The following ADD2 variants were observed in gnomAD, a reference collection of about 807,000 sequenced individuals.
ADD2 encodes adducin 2.
Under a neutral mutation model 83.0 loss-of-function variants are expected in ADD2, and 23 were observed. That is an observed-to-expected ratio of 0.28 (90% CI 0.20 to 0.39). The LOEUF is 0.39. Ranked by LOEUF, ADD2 falls within the 10% of genes least tolerant of loss-of-function variation. The probability of loss-of-function intolerance (pLI) is 1.00; values close to 1 mark genes in which losing one functional copy is unlikely to be tolerated. For missense variants in ADD2, 758 were observed against 944.9 expected (o/e 0.80, Z 2.59); for synonymous variants, 375 against 375.4 (o/e 1.00, Z 0.01).
At chr2:70,695,936 C>T (rs563021418) in intron 5 of ADD2, 135 bp from the exon 6 acceptor site, 7 of 759,196 alleles carry the variant, frequency 9.2e-6, no homozygotes, top group Admixed American at 2.6e-5. Flanking sequence ...CTCTCCCCCC[C>T]AGCCATAAGA....
intron 15 of ADD2, among the ~76,000 whole-genome samples, chr2:70,672,651 C>G (rs1669945445): frequency 6.6e-6 from 1 of 152,212 alleles, no homozygotes; most frequent in Non-Finnish European, 1.5e-5. Flanking sequence ...GGGGGCCAGC[C>G]AGTAACTTAT....
intron 1 of ADD2, among the ~76,000 whole-genome samples, chr2:70,729,493 A>C: frequency 6.6e-6 from 1 of 151,720 alleles, no homozygotes; most frequent in Admixed American, 6.6e-5. Context: ...CCTCTTCCCC[A>C]CCCCTTCATT....
intron 1 of ADD2, among the ~76,000 whole-genome samples, chr2:70,764,004 C>T (rs1675252736): frequency 6.6e-6 from 1 of 151,532 alleles, no homozygotes; most frequent in African/African-American, 2.4e-5. Context: ...TCTCCTGCCT[C>T]AGCCTCCCGA....
In ADD2 at chr2:70,768,067, G is replaced by A; in HGVS notation, c.-335C>T. 1.6e-6 allele frequency: 2 copies of A among 1,279,030 alleles called. No individual in the cohort carries two copies. Among genetic ancestry groups the A allele is most frequent in the Non-Finnish European group, 2.1e-6 (2 of 951,480 alleles). 79.2% of individuals were successfully genotyped at this position (1,279,030 alleles called of 1,614,324 possible). ...CTGGGAGATCCCCCAGCAGTGCAGC[G>A]GCTCCGCGGCGGCGGGGATGACTGG... is the stretch of plus-strand genomic sequence containing the variant. On this transcript the variant is annotated 5_prime_UTR_variant, in exon 1 of 16. Transcript: ENST00000264436.
At chr2:70,734,433 G>A (rs2104476803) in intron 1 of ADD2, among the ~76,000 whole-genome samples, 1 of 152,188 alleles carries the variant, frequency 6.6e-6, no homozygotes, top group Admixed American at 6.5e-5. Context: ...GACCAGACCT[G>A]GCACTCTGGC....
At chr2:70,697,974 C>T (rs1233937190) in intron 4 of ADD2, among the ~76,000 whole-genome samples, 3 of 152,222 alleles carry the variant, frequency 2.0e-5, no homozygotes, top group Admixed American at 6.5e-5. Flanking sequence ...CCTAGTTAGA[C>T]TGCCAAGGAC....
chr2:70,675,729 A>G, intron 13 of ADD2: 1 of 985,390 alleles, frequency 1.0e-6, no homozygotes, highest in South Asian at 4.7e-5. Context: ...GGCCCCTTCC[A>G]AAAGGGAGGC....
intron 4 of ADD2, 146 bp from the exon 5 acceptor site, chr2:70,696,542 G>T: frequency 9.4e-7 from 1 of 1,069,076 alleles, no homozygotes; most frequent in Non-Finnish European, 1.3e-6. Flanking sequence ...ACCCTTACCT[G>T]GGGCAGGAGT....
In ADD2 at chr2:70,687,880, G is replaced by A; in HGVS notation, c.948+144C>T. On this transcript the variant is annotated intron_variant, in intron 9 of 15. Transcript: ENST00000264436. ...TGAAACTTTAGAAGGATAAGATGGT[G>A]CCAAGGCAGAGAAATAGGGCAAGGC... is the stretch of plus-strand genomic sequence containing the variant. 3 of 622,848 alleles carry A rather than the reference G, an allele frequency of 4.8e-6. No individual in the cohort carries two copies. The South Asian group carries it at 6.1e-5, about 13-fold the overall frequency. 38.6% of individuals were successfully genotyped at this position (622,848 alleles called of 1,614,324 possible).
chr2:70,672,769 G>C lies in ADD2; in HGVS notation c.1870+109C>G. On this transcript the variant is annotated intron_variant, in intron 15 of 15. Coordinates refer to ENST00000264436, the MANE Select transcript of ADD2 (RefSeq NM_001617.4). ...TATTTCTGATTTCCTAGAAATAGCA[G>C]AGGGGAAAGATTTTCAGATTAGGGG... 3.1e-6 allele frequency: 4 copies of C among 1,285,002 alleles called. No individual in the cohort carries two copies. In the South Asian group the frequency reaches 6.2e-5, roughly 20 times the overall value. 79.6% of individuals were successfully genotyped at this position (1,285,002 alleles called of 1,614,324 possible). A position where few individuals can be genotyped will look rare whatever the true frequency, so the allele number is the denominator to read the frequency against.
At chr2:70,686,250 C>T (rs17006088) in intron 9 of ADD2, among the ~76,000 whole-genome samples, 4,803 of 152,276 alleles carry the variant, frequency 0.032, 238 homozygotes, top group African/African-American at 0.11. Flanking sequence ...TCTTCCAGCT[C>T]TATTCCCGTC....
At chr2:70,680,175 T>G (rs893116665) in intron 10 of ADD2, among the ~76,000 whole-genome samples, 43 of 150,916 alleles carry the variant, frequency 2.8e-4, no homozygotes, top group African/African-American at 1.0e-3. Context: ...TTAATACCCC[T>G]ATGAGTTCAC....
intron 1 of ADD2, among the ~76,000 whole-genome samples, chr2:70,729,055 C>G (rs1217696252): frequency 6.6e-6 from 1 of 152,242 alleles, no homozygotes; most frequent in African/African-American, 2.4e-5. Context: ...CTTCACTGGC[C>G]TAACCATTCC....
chr2:70,761,622 G>GGAATTAAA (rs1675102022), intron 1 of ADD2, among the ~76,000 whole-genome samples: 1 of 141,680 alleles, frequency 7.1e-6, no homozygotes, highest in South Asian at 2.2e-4. Flanking sequence ...AAGGAAGGAA[G>GGAATTAAA]GAATTAAAGT....
intron 5 of ADD2, among the ~76,000 whole-genome samples, 188 bp downstream of exon 5, chr2:70,696,056 CA>C (rs1671290359): frequency 6.6e-6 from 1 of 152,142 alleles, no homozygotes; most frequent in Admixed American, 6.5e-5. Context: ...CCTTCCCATC[CA>C]AAAAAGTGCC....
intron 1 of ADD2, among the ~76,000 whole-genome samples, chr2:70,735,293 T>C (rs1435067041): frequency 6.6e-6 from 1 of 152,104 alleles, no homozygotes; most frequent in Admixed American, 6.6e-5. Context: ...ATTTGCATAA[T>C]GATTAAGTGA....
chr2:70,743,239 T>C (rs1674015231), intron 1 of ADD2, among the ~76,000 whole-genome samples: 1 of 152,208 alleles, frequency 6.6e-6, no homozygotes, highest in African/African-American at 2.4e-5. Context: ...TCTCCATGTA[T>C]CACCCCACAC....
intron 1 of ADD2, among the ~76,000 whole-genome samples, chr2:70,761,675 AC>A (rs1201197604): frequency 2.0e-5 from 3 of 149,696 alleles, no homozygotes; most frequent in African/African-American, 7.5e-5. Flanking sequence ...AATAGACACA[AC>A]TTTTTTTTTT....
At chr2:70,749,202 C>CTCATGAGAACTCACTCACTA (rs544335404) in intron 1 of ADD2, among the ~76,000 whole-genome samples, 53 of 152,190 alleles carry the variant, frequency 3.5e-4, no homozygotes, top group African/African-American at 1.2e-3. Flanking sequence ...ACCATTAGAT[C>CTCATGAGAACTCACTCACTA]TCATGAGAAC....
Sources: gnomAD v4.1 joint callset for allele counts (sites outside exome capture counted in the v4.1 genomes callset) on GRCh38, gnomAD v4.1.1 for gene constraint, MANE v1.5 for transcripts, NCBI Gene and HGNC (gene_info 2026-07-23, HGNC 2026-07-21) for gene names.